The following LINGO1 variants were observed in gnomAD, a reference collection of about 807,000 sequenced individuals.
LINGO1 encodes leucine-rich repeat and immunoglobulin-like domain-containing nogo receptor-interacting protein 1.
Under a neutral mutation model 37.3 loss-of-function variants are expected in LINGO1, and 11 were observed. The ratio of observed to expected loss-of-function variants is 0.29; its 90% confidence interval spans 0.19 to 0.49. The LOEUF (loss-of-function observed/expected upper bound fraction) is 0.49, where lower values mean the gene tolerates loss of function less well. Ranked by LOEUF, LINGO1 falls within the 20% of genes least tolerant of loss-of-function variation. LINGO1 has a pLI of 0.99. For synonymous variants in LINGO1, 387 were observed against 403.0 expected (o/e 0.96, Z 0.48); for missense variants, 585 against 878.2 (o/e 0.67, Z 4.22).
At chr15:77,636,852 G>A (rs1253191595), upstream of LINGO1, among the ~76,000 whole-genome samples, 1 of 152,160 alleles carries the variant, frequency 6.6e-6, no homozygotes, top group Non-Finnish European at 1.5e-5. Flanking sequence ...CTAGGCTAGA[G>A]TGAAGTGGAT....
chr15:77,756,426 C>T (rs1449319586), intron 1 of LINGO1, among the ~76,000 whole-genome samples: 1 of 152,162 alleles, frequency 6.6e-6, no homozygotes. Context: ...ATGACACACA[C>T]TCACAAATGT....
At chr15:77,782,909 C>A (rs540838634) in intron 1 of LINGO1, among the ~76,000 whole-genome samples, 14 of 152,258 alleles carry the variant, frequency 9.2e-5, no homozygotes, top group South Asian at 8.3e-4. Flanking sequence ...TCCAGAGCAC[C>A]CCCCTGCTCC....
At chr15:77,684,977 T>C (rs781689261) in intron 2 of LINGO1, among the ~76,000 whole-genome samples, 2 of 149,746 alleles carry the variant, frequency 1.3e-5, no homozygotes, top group South Asian at 4.2e-4. Context: ...AGGGTCTCCA[T>C]GAAGGCAGTG....
chr15:77,686,309 C>A (rs1326828482), intron 2 of LINGO1, among the ~76,000 whole-genome samples: 1 of 152,162 alleles, frequency 6.6e-6, no homozygotes, highest in Non-Finnish European at 1.5e-5. Context: ...ACTCCCCTGA[C>A]TGGCTCCCCT....
upstream of LINGO1, among the ~76,000 whole-genome samples, chr15:77,698,341 T>A (rs75318038): frequency 2.4e-4 from 36 of 152,308 alleles, no homozygotes; most frequent in East Asian, 5.6e-3. Context: ...GCTTACTTAG[T>A]TCATTAATTC....
At chr15:77,717,439 C>T (rs570665214) in intron 2 of LINGO1, among the ~76,000 whole-genome samples, 3 of 150,778 alleles carry the variant, frequency 2.0e-5, no homozygotes, top group Middle Eastern at 3.4e-3. Flanking sequence ...TCTACCAAGG[C>T]GAGGGGGGTG....
intron 3 of LINGO1, among the ~76,000 whole-genome samples, chr15:77,674,276 C>T (rs930714447): frequency 5.9e-5 from 9 of 152,250 alleles, no homozygotes; most frequent in African/African-American, 2.2e-4. Context: ...TCCACCAAGA[C>T]TCCCTGGTTC....
intron 3 of LINGO1, among the ~76,000 whole-genome samples, chr15:77,664,624 C>T (rs966816958): frequency 2.0e-5 from 3 of 152,202 alleles, no homozygotes; most frequent in Non-Finnish European, 4.4e-5. Context: ...CAAAAGAGAG[C>T]TGGAGGGCTC....
chr15:77,651,478 A>G (rs1268954197), intron 3 of LINGO1: 1 of 152,246 alleles, frequency 6.6e-6, no homozygotes, highest in Non-Finnish European at 1.5e-5. Context: ...AAATCTGGAA[A>G]AAGTGGTAAC....
chr15:77,626,063 C>T (rs1034511993), intron 1 of LINGO1, among the ~76,000 whole-genome samples: 3 of 152,180 alleles, frequency 2.0e-5, no homozygotes, highest in Non-Finnish European at 2.9e-5. Flanking sequence ...GCTTGTCTGG[C>T]TCCAAAGGCA....
intron 1 of LINGO1, among the ~76,000 whole-genome samples, chr15:77,619,144 G>GTATGTT (rs56201835): frequency 0.62 from 93,747 of 151,288 alleles, 29,497 homozygotes; most frequent in East Asian, 0.79. Flanking sequence ...CTCCTGTAAT[G>GTATGTT]TAATCCTGGT....
At chr15:77,699,758 C>T (rs201477033), upstream of LINGO1, among the ~76,000 whole-genome samples, 118 of 143,032 alleles carry the variant, frequency 8.2e-4, no homozygotes, top group East Asian at 3.7e-3. Context: ...ACACAGTAAG[C>T]ACATACTAAC....
chr15:77,680,797 G>A (rs567054438), intron 2 of LINGO1, among the ~76,000 whole-genome samples: 1 of 152,332 alleles, frequency 6.6e-6, no homozygotes, highest in East Asian at 1.9e-4. Flanking sequence ...CCACAACTCA[G>A]GGAGATAAGG....
intron 1 of LINGO1, among the ~76,000 whole-genome samples, chr15:77,811,942 A>C (rs568678175): frequency 7.2e-6 from 1 of 139,268 alleles, no homozygotes; most frequent in Admixed American, 7.9e-5. Context: ...TTCCCAACAA[A>C]ATTAAAAAAA....
At chr15:77,730,207 A>T (rs1042087008) in intron 2 of LINGO1, among the ~76,000 whole-genome samples, 2 of 152,030 alleles carry the variant, frequency 1.3e-5, no homozygotes, top group African/African-American at 4.8e-5. Flanking sequence ...AACAATGACA[A>T]CTTTGACTAG....
At chr15:77,691,437 A>G (rs1192342185) in intron 1 of LINGO1, among the ~76,000 whole-genome samples, 1 of 152,094 alleles carries the variant, frequency 6.6e-6, no homozygotes, top group Non-Finnish European at 1.5e-5. Context: ...CATCATGTTC[A>G]TCGCCAGCAG....
chr15:77,628,761 G>A (rs1315016598), intron 1 of LINGO1, among the ~76,000 whole-genome samples: 1 of 152,128 alleles, frequency 6.6e-6, no homozygotes, highest in South Asian at 2.1e-4. Context: ...CTGGATTAGT[G>A]AGTAAGAGCC....
chr15:77,780,947 G>A (rs8040813), intron 1 of LINGO1, among the ~76,000 whole-genome samples: 84,714 of 152,024 alleles, frequency 0.56, 23,623 homozygotes, highest in South Asian at 0.61. Flanking sequence ...GTCACAGCCC[G>A]CATGGACTAA....
intron 1 of LINGO1, among the ~76,000 whole-genome samples, chr15:77,774,411 C>T (rs1219169277): frequency 6.6e-6 from 1 of 152,108 alleles, no homozygotes; most frequent in African/African-American, 2.4e-5. Context: ...GAAGCAGCCC[C>T]CACCAATTCC....
Sources: allele counts gnomAD v4.1 joint callset (sites outside exome capture counted in the v4.1 genomes callset), GRCh38; gene constraint gnomAD v4.1.1; transcripts MANE v1.5; gene names NCBI Gene and HGNC (gene_info 2026-07-23, HGNC 2026-07-21).